Variants in PCCA observed in about 807,000 individuals in gnomAD.
The protein encoded by PCCA is propionyl-CoA carboxylase subunit alpha.
A neutral mutation model predicts 101.3 loss-of-function variants in PCCA; 74 were observed. That is an observed-to-expected ratio of 0.73 (90% confidence interval 0.61 to 0.89). The LOEUF (loss-of-function observed/expected upper bound fraction) is 0.89, where lower values mean the gene tolerates loss of function less well. Ranked by LOEUF, PCCA falls within the 40% of genes least tolerant of loss-of-function variation. The pLI is 0.00. For missense variants in PCCA, 891 were observed against 907.0 expected, an observed-to-expected ratio of 0.98 and a Z score of 0.23; for synonymous variants, 294 against 313.6, an observed-to-expected ratio of 0.94 and a Z score of 0.66.
At chr13:100,338,676 A>G (rs917589180) in intron 17 of PCCA, among the ~76,000 whole-genome samples, 7 of 149,516 alleles carry the variant, frequency 4.7e-5, no homozygotes, top group African/African-American at 1.7e-4. Context: ...AATGCCCATA[A>G]GAGTATGGTT....
At chr13:100,488,088 T>A (rs1480313655) in intron 21 of PCCA, among the ~76,000 whole-genome samples, 2 of 151,926 alleles carry the variant, frequency 1.3e-5, no homozygotes, top group African/African-American at 2.4e-5. Context: ...CTGTGCTTTT[T>A]ATTTATTTAT....
intron 22 of PCCA, among the ~76,000 whole-genome samples, chr13:100,526,322 G>A (rs1005119215): frequency 4.6e-5 from 7 of 152,332 alleles, no homozygotes; most frequent in East Asian, 1.9e-4. Flanking sequence ...AGGGCAGCGC[G>A]GGCAGCGCTT....
chr13:100,260,879 A>G (rs944539463), intron 9 of PCCA, among the ~76,000 whole-genome samples: 18 of 152,080 alleles, frequency 1.2e-4, no homozygotes, highest in African/African-American at 4.1e-4. Context: ...TTTTGAGATG[A>G]AAAACCATCC....
At chr13:100,282,890 ATCC>A (rs1328715602) in intron 12 of PCCA, among the ~76,000 whole-genome samples, 1 of 152,020 alleles carries the variant, frequency 6.6e-6, no homozygotes, top group Non-Finnish European at 1.5e-5. Context: ...ATGAATGATA[ATCC>A]TCCTCTAATC....
chr13:100,145,831 C>CAG (rs1429428528), intron 4 of PCCA, among the ~76,000 whole-genome samples: 2 of 147,486 alleles, frequency 1.4e-5, no homozygotes, highest in Non-Finnish European at 3.0e-5. Context: ...CATTGCACTC[C>CAG]AGCCTGGGCG....
At chr13:100,191,129 A>C (rs1594641533) in intron 6 of PCCA, among the ~76,000 whole-genome samples, 1 of 152,312 alleles carries the variant, frequency 6.6e-6, no homozygotes, top group African/African-American at 2.4e-5. Context: ...CAAATCAGAA[A>C]GCATTCTCAA....
At chr13:100,369,883 A>G (rs1004598886) in intron 19 of PCCA, among the ~76,000 whole-genome samples, 1 of 152,126 alleles carries the variant, frequency 6.6e-6, no homozygotes, top group Non-Finnish European at 1.5e-5. Context: ...TATCAATATT[A>G]CAATGTAGCA....
At position 100,356,978 on chromosome 13, in the gene PCCA, A is replaced by G. The variant is rs149536843; in HGVS notation, c.1644-11494A>G. Among the ~76,000 whole-genome samples, 1,328 of 152,324 alleles carry G rather than the reference A, an allele frequency of 8.7e-3. 17 individuals are homozygous for G. The highest frequency in any genetic ancestry group is 0.03 in the African/African-American group (1,242 of 41,572). ...AATAATTCAGTCAAAGTAGATCACA[A>G]ATTTTCCCAGAATAAGCAAAGCTAT... is the stretch of plus-strand genomic sequence containing the variant. On this transcript the variant is annotated intron_variant, in intron 18 of 23. Transcript: ENST00000376285.
chr13:100,311,549 C>G (rs1595262629), intron 16 of PCCA, among the ~76,000 whole-genome samples: 1 of 152,108 alleles, frequency 6.6e-6, no homozygotes, highest in East Asian at 1.9e-4. Context: ...GAGGGCAGAT[C>G]ACTTGAGGTC....
intron 6 of PCCA, among the ~76,000 whole-genome samples, chr13:100,201,511 A>C (rs1177275247): frequency 6.6e-6 from 1 of 151,952 alleles, no homozygotes; most frequent in East Asian, 1.9e-4. Context: ...TTTTTGCCTA[A>C]CCCCCACCCC....
chr13:100,452,096 C>CT (rs2081362620), intron 21 of PCCA, among the ~76,000 whole-genome samples: 1 of 123,644 alleles, frequency 8.1e-6, no homozygotes, highest in African/African-American at 3.3e-5. Flanking sequence ...TCCTCTTCCT[C>CT]CTCTTCCTTT....
intron 18 of PCCA, among the ~76,000 whole-genome samples, chr13:100,341,168 G>A (rs1475895927): frequency 2.0e-5 from 3 of 152,106 alleles, no homozygotes; most frequent in African/African-American, 7.2e-5. Flanking sequence ...TTATGATTTG[G>A]TAGCTACCAG....
chr13:100,495,310 C>T (rs953797665), intron 21 of PCCA, among the ~76,000 whole-genome samples: 1 of 152,136 alleles, frequency 6.6e-6, no homozygotes, highest in African/African-American at 2.4e-5. Flanking sequence ...TGTCTCGTAG[C>T]CCCTATAGCT....
At position 100,268,693 on chromosome 13, in the gene PCCA, T is replaced by C; in HGVS notation, c.824T>C (p.Leu275Pro). The C allele has an allele frequency of 6.2e-7, 1 of 1,611,148 alleles. No individual in the cohort carries two copies. The highest frequency in any genetic ancestry group is 8.5e-7 in the Non-Finnish European group (1 of 1,177,196). Reference protein sequence around the residue: ...DNPRHIEIQVLGDKHGNALWL... With the variant: ...DNPRHIEIQVPGDKHGNALWL... ...CAAATGGTATTGCTCTTTCAGGTTCTAGGTGATAAACATGGGAATGCTTTA... is the reference window on the plus strand; with the variant it reads ...CAAATGGTATTGCTCTTTCAGGTTCCAGGTGATAAACATGGGAATGCTTTA... Residue 275 changes from leucine to proline, a missense_variant, in exon 11 of 24, where the codon CTA (leucine) becomes CCA (proline). By Grantham distance (98) the Leu-to-Pro change is moderately conservative (BLOSUM62 -3). Transcript: ENST00000376285.
At chr13:100,399,086 G>A (rs760699259) in intron 19 of PCCA, among the ~76,000 whole-genome samples, 3 of 151,904 alleles carry the variant, frequency 2.0e-5, no homozygotes, top group Non-Finnish European at 1.5e-5. Flanking sequence ...AATATGCTTT[G>A]CCTATTTATA....
chr13:100,384,246 G>A (rs936031933), intron 19 of PCCA, among the ~76,000 whole-genome samples: 2 of 152,112 alleles, frequency 1.3e-5, no homozygotes, highest in African/African-American at 2.4e-5. Context: ...GGCTGATCTC[G>A]AACTCCTCAC....
chr13:100,484,236 C>T (rs2084183432), intron 21 of PCCA, among the ~76,000 whole-genome samples: 1 of 151,746 alleles, frequency 6.6e-6, no homozygotes, highest in Non-Finnish European at 1.5e-5. Flanking sequence ...TGTTTATGAT[C>T]CTTAAGCTGA....
intron 21 of PCCA, among the ~76,000 whole-genome samples, chr13:100,485,042 C>CCT (rs372225785): frequency 8.6e-5 from 13 of 151,350 alleles, no homozygotes; most frequent in East Asian, 3.9e-4. Context: ...CCCTTCCTGC[C>CCT]CTCTCTCTCT....
At chr13:100,494,674 A>G (rs946266966) in intron 21 of PCCA, among the ~76,000 whole-genome samples, 1 of 94,558 alleles carries the variant, frequency 1.1e-5, no homozygotes, top group Non-Finnish European at 1.9e-5. Flanking sequence ...CAAGAGCAAA[A>G]CTCAAAAAAA....
Sources: allele counts gnomAD v4.1 joint callset (sites outside exome capture counted in the v4.1 genomes callset), GRCh38; gene constraint gnomAD v4.1.1; transcripts MANE v1.5; gene names NCBI Gene and HGNC (gene_info 2026-07-23, HGNC 2026-07-21).